Variants in LRP1B observed in about 807,000 individuals in gnomAD.
LRP1B encodes the protein LDL receptor related protein 1B, also known as low-density lipoprotein receptor-related protein 1B.
In LRP1B, 217 loss-of-function variants were observed where a neutral mutation model predicts 556.6. That is an observed-to-expected ratio of 0.39 (90% CI 0.35 to 0.44). The LOEUF is 0.44. LRP1B is among the 20% of genes least tolerant of loss of function. LRP1B has a pLI of 1.00. For missense variants in LRP1B, 5,053 were observed against 5,620.8 expected, an observed-to-expected ratio of 0.90 and a Z score of 3.23; for synonymous variants, 2,047 against 1,865.8, an observed-to-expected ratio of 1.10 and a Z score of -2.50.
chr2:141,529,883 T>C (rs1488129763), intron 2 of LRP1B, among the ~76,000 whole-genome samples: 1 of 152,134 alleles, frequency 6.6e-6, no homozygotes, highest in African/African-American at 2.4e-5. Context: ...ACAAACCACA[T>C]ACTGTTTATG....
At chr2:141,374,223 G>A (rs1309155948) in intron 3 of LRP1B, among the ~76,000 whole-genome samples, 2 of 152,096 alleles carry the variant, frequency 1.3e-5, no homozygotes, top group Non-Finnish European at 2.9e-5. Flanking sequence ...TCACCTGTAA[G>A]GTTTCTGCTG....
Position 141,221,626 on chromosome 2 carries a change from T to G in LRP1B, c.850+7557A>C, listed in dbSNP as rs548637332. Among the ~76,000 whole-genome samples the G allele has an allele frequency of 4.6e-5, 7 of 152,306 alleles. No homozygotes were observed. The East Asian group carries it at 1.4e-3, about 29-fold the overall frequency. ...CAACCCAAAACATCAGAATATACAT[T>G]CTTCTCAGCACCACATGGCACTTGC... On this transcript the variant is annotated intron_variant, in intron 6 of 90. Transcript: ENST00000389484.
chr2:140,887,761 A>T (rs1460425257), intron 23 of LRP1B, among the ~76,000 whole-genome samples: 1 of 152,188 alleles, frequency 6.6e-6, no homozygotes, highest in Non-Finnish European at 1.5e-5. Flanking sequence ...GCTAAAACAA[A>T]TGAAAACATT....
chr2:140,404,433 A>G (rs947868136), intron 66 of LRP1B, among the ~76,000 whole-genome samples: 4 of 151,836 alleles, frequency 2.6e-5, no homozygotes, highest in Admixed American at 2.0e-4. Context: ...CGGCCTCCCA[A>G]TGTGCTGGGA....
intron 32 of LRP1B, among the ~76,000 whole-genome samples, chr2:140,806,087 C>T (rs7584074): frequency 1.2e-3 from 187 of 152,102 alleles, no homozygotes; most frequent in African/African-American, 4.3e-3. Context: ...TTCTCTCTCT[C>T]ATTTGTTTCC....
intron 18 of LRP1B, among the ~76,000 whole-genome samples, chr2:140,980,899 A>G (rs1267279627): frequency 1.3e-5 from 2 of 152,220 alleles, no homozygotes; most frequent in African/African-American, 4.8e-5. Flanking sequence ...ACACCATGGA[A>G]TACTACTCAG....
chr2:140,607,799 C>T (rs967093730), intron 41 of LRP1B, among the ~76,000 whole-genome samples: 2 of 151,980 alleles, frequency 1.3e-5, no homozygotes, highest in African/African-American at 4.8e-5. Context: ...AAATACCTGG[C>T]AATTTCCCTT....
chr2:140,575,935 CA>C (rs1417793537), intron 43 of LRP1B, among the ~76,000 whole-genome samples: 1 of 146,936 alleles, frequency 6.8e-6, no homozygotes, highest in Admixed American at 6.7e-5. Context: ...AAACAAAAAA[CA>C]AAAAACAAAA....
At chr2:141,392,947 C>G (rs1690108766) in intron 3 of LRP1B, among the ~76,000 whole-genome samples, 1 of 152,128 alleles carries the variant, frequency 6.6e-6, no homozygotes. Context: ...GCACTGTAGT[C>G]CCGCTGAAAC....
At chr2:142,051,412 T>C (rs183858440) in intron 1 of LRP1B, among the ~76,000 whole-genome samples, 104 of 151,832 alleles carry the variant, frequency 6.8e-4, no homozygotes, top group Non-Finnish European at 1.1e-3. Flanking sequence ...AGCTTAAAAA[T>C]GGAGAATAAT....
At position 141,872,952 on chromosome 2, in the gene LRP1B, T is replaced by C. The variant is rs895498937; in HGVS notation, c.83-62551A>G. On this transcript the variant is annotated intron_variant, in intron 1 of 90. Transcript: ENST00000389484. The stretch of plus-strand genomic sequence containing the variant: ...AAGCGTGCAAGAATTCAGGGAATAC[T>C]GAAGTTCAAGTCCTTCCTGAGGAAT... 3.9e-5 allele frequency among the ~76,000 whole-genome samples: 6 copies of C among 152,014 alleles called. No homozygotes were observed. In the South Asian group the frequency reaches 1.0e-3, roughly 26 times the overall value.
intron 43 of LRP1B, among the ~76,000 whole-genome samples, chr2:140,588,440 A>C (rs1183471321): frequency 1.3e-5 from 2 of 152,232 alleles, no homozygotes; most frequent in Non-Finnish European, 2.9e-5. Context: ...ATACCTGACG[A>C]CACTATAGAT....
At chr2:140,407,642 C>T (rs538809269) in intron 66 of LRP1B, among the ~76,000 whole-genome samples, 2 of 152,152 alleles carry the variant, frequency 1.3e-5, no homozygotes, top group South Asian at 4.2e-4. Context: ...CACCTCACTC[C>T]TATAAGAATG....
At chr2:140,364,221 T>C (rs944429798) in intron 72 of LRP1B, among the ~76,000 whole-genome samples, 14 of 151,628 alleles carry the variant, frequency 9.2e-5, no homozygotes, top group Non-Finnish European at 1.5e-4. Flanking sequence ...AGATAGATGA[T>C]TGATAGATAC....
rs185035955 is a variant in LRP1B at position 141,204,642 on chromosome 2, C to T, written c.851-16059G>A. 1.2e-4 allele frequency among the ~76,000 whole-genome samples: 19 copies of T among 152,128 alleles called. 1 individual carries two copies. The East Asian group carries it at 3.3e-3, about 26-fold the overall frequency. ...ATTGAAATTTATACATAATAATTGC[C>T]AACAGTAAGTTCTGAAAATAATTCA... On this transcript the variant is annotated intron_variant, in intron 6 of 90. Transcript: ENST00000389484.
chr2:141,622,967 A>G (rs1056605876), intron 2 of LRP1B, among the ~76,000 whole-genome samples: 5 of 152,218 alleles, frequency 3.3e-5, no homozygotes, highest in Non-Finnish European at 7.3e-5. Context: ...TAGATGGCAG[A>G]GTTTCAGTTC....
chr2:141,081,177 A>T (rs1354802296), intron 7 of LRP1B, among the ~76,000 whole-genome samples: 2 of 152,096 alleles, frequency 1.3e-5, no homozygotes, highest in African/African-American at 4.8e-5. Flanking sequence ...AATGTTTGGG[A>T]TTCTGGAACA....
At chr2:140,851,097 T>C (rs1692444163) in intron 28 of LRP1B, among the ~76,000 whole-genome samples, 1 of 152,156 alleles carries the variant, frequency 6.6e-6, no homozygotes, top group African/African-American at 2.4e-5. Flanking sequence ...ATAAAATTAT[T>C]AATAGAAAGC....
intron 1 of LRP1B, among the ~76,000 whole-genome samples, chr2:142,043,323 C>T (rs1026854627): frequency 7.3e-5 from 11 of 151,554 alleles, no homozygotes; most frequent in African/African-American, 2.7e-4. Context: ...CTCAAGTCCA[C>T]CATTATTAAA....
Sources: allele counts gnomAD v4.1 joint callset (sites outside exome capture counted in the v4.1 genomes callset), GRCh38; gene constraint gnomAD v4.1.1; transcripts MANE v1.5; gene names NCBI Gene and HGNC (gene_info 2026-07-23, HGNC 2026-07-21).